Variants in PAX2 observed in about 807,000 individuals in gnomAD.
The protein encoded by PAX2 is paired box 2, also known as paired box protein Pax-2.
Under a neutral mutation model 41.7 loss-of-function variants are expected in PAX2, and 9 were observed. The ratio of observed to expected loss-of-function variants is 0.22; its 90% CI spans 0.13 to 0.38. The LOEUF (loss-of-function observed/expected upper bound fraction) is 0.38, where lower values mean the gene tolerates loss of function less well. PAX2 is among the 10% of genes least tolerant of loss of function. The pLI, the probability that PAX2 is intolerant of heterozygous loss-of-function variation, is 1.00. For synonymous variants in PAX2, 221 were observed against 212.7 expected (o/e 1.04, Z -0.34); for missense variants, 418 against 531.6 (o/e 0.79, Z 2.10).
chr10:100,827,039 AC>A lies in PAX2; in HGVS notation c.1057del (p.Gln353SerfsTer17). On this transcript the variant is annotated frameshift_variant, in exon 9 of 10. Transcript: ENST00000355243. LOFTEE classifies it high-confidence loss of function. The surrounding 1 kb of genome is among the most constrained non-coding windows in gnomAD (Gnocchi z 8.5). Reference sequence around the variant, plus strand: ...GAGTTCTCCGGCAACCCGTACAGCCACCCCCAGTACACGGCCTACAACGAGG... The same window carrying A: ...GAGTTCTCCGGCAACCCGTACAGCCACCCCAGTACACGGCCTACAACGAGG... ...GSEFSGNPYSHPQYTAYNEAW... is the reference protein window; with the variant it reads ...GSEFSGNPYSXPQYTAYNEAW... 1 of 1,613,378 alleles carries A rather than the reference AC, an allele frequency of 6.2e-7. No individual in the cohort carries two copies. Among genetic ancestry groups the A allele is most frequent in the Non-Finnish European group, 8.5e-7 (1 of 1,179,516 alleles).
At chr10:100,803,975 C>A (rs1448508962) in intron 5 of PAX2, among the ~76,000 whole-genome samples, 1 of 152,090 alleles carries the variant, frequency 6.6e-6, no homozygotes, top group Non-Finnish European at 1.5e-5. Flanking sequence ...CATGATTGAT[C>A]AATTGAATTC....
At chr10:100,767,840 G>A (rs1846078448) in intron 3 of PAX2, among the ~76,000 whole-genome samples, 1 of 152,122 alleles carries the variant, frequency 6.6e-6, no homozygotes, top group Non-Finnish European at 1.5e-5. Flanking sequence ...TGGGGAGGGG[G>A]AGGTGGGAAG....
chr10:100,787,524 G>C (rs1846916087), intron 5 of PAX2, among the ~76,000 whole-genome samples: 1 of 152,168 alleles, frequency 6.6e-6, no homozygotes, highest in South Asian at 2.1e-4. Context: ...GCAGCTCTTG[G>C]CAAGGTGAAA....
rs893370744 is a variant in PAX2 at position 100,809,140 on chromosome 10, C to T, written c.823C>T (p.Pro275Ser). 2.5e-6 allele frequency: 4 copies of T among 1,612,354 alleles called. No individual in the cohort carries two copies. Among genetic ancestry groups the T allele is most frequent in the Non-Finnish European group, 3.4e-6 (4 of 1,178,428 alleles). The change falls in exon 7 of 10, where the codon CCT (proline) becomes TCT (serine). Residue 275 changes from proline (P) to serine (S), a missense_variant. Around this residue, in one of 2 missense-constraint regions of PAX2, gnomAD observed 310 missense variants for 325.2 expected, o/e 0.95. Transcript: ENST00000355243. ...GNEYSLPALT[P>S]GLDEVKSSLS... ...CGAGTACTCCCTCCCAGCCCTGACC[C>T]CTGGGCTTGATGAAGTCAAGTCGAG...
intron 3 of PAX2, among the ~76,000 whole-genome samples, chr10:100,758,697 C>T (rs960721023): frequency 2.6e-5 from 4 of 152,168 alleles, no homozygotes; most frequent in East Asian, 1.9e-4. Flanking sequence ...GCAGGAAGAC[C>T]GGATTTTAAA....
At chr10:100,823,702 G>A (rs1441939603) in intron 7 of PAX2, among the ~76,000 whole-genome samples, 4 of 152,102 alleles carry the variant, frequency 2.6e-5, no homozygotes, top group African/African-American at 7.2e-5. Flanking sequence ...TGGCAGAGGG[G>A]AGAAAGCAAA....
At chr10:100,784,251 A>G (rs1370791787) in intron 5 of PAX2, among the ~76,000 whole-genome samples, 2 of 152,262 alleles carry the variant, frequency 1.3e-5, no homozygotes, top group African/African-American at 4.8e-5. Context: ...GGCCAGTCAC[A>G]GAAGGCAGCC....
At position 100,828,668 on chromosome 10, in the gene PAX2, C is replaced by G. The variant is rs1043512712; in HGVS notation, c.*1049C>G. 2.1e-5 allele frequency: 5 copies of G among 233,430 alleles called. No individual in the cohort carries two copies. The South Asian group carries it at 9.0e-4, about 42-fold the overall frequency. The allele number at this position is 233,430 out of a possible 1,614,324, so 14.5% of individuals were successfully genotyped here. ...ACTCTCAATCTGCCGGTGGTAAGAA[C>G]CGGTTCTGAGCTGGCGTCTGAGCTG... On this transcript the variant is annotated 3_prime_UTR_variant, in exon 10 of 10. Transcript: ENST00000355243. This position sits in a 1 kb window ranked among gnomAD's most constrained non-coding sequence, Gnocchi z 6.5.
intron 1 of PAX2, among the ~76,000 whole-genome samples, chr10:100,738,537 G>A (rs1247097715): frequency 2.0e-5 from 3 of 152,130 alleles, no homozygotes; most frequent in Non-Finnish European, 2.9e-5. Context: ...CCCTCATCCA[G>A]ACGCTCAGCC....
At chr10:100,787,074 G>A in intron 5 of PAX2, 13 of 974,016 alleles carry the variant, frequency 1.3e-5, no homozygotes, top group Non-Finnish European at 2.0e-5. Flanking sequence ...GTGGCGGTTA[G>A]AGAACATTCA....
intron 7 of PAX2, among the ~76,000 whole-genome samples, chr10:100,812,199 G>A (rs1848012464): frequency 6.6e-6 from 1 of 152,176 alleles, no homozygotes; most frequent in African/African-American, 2.4e-5. Context: ...ATTTTGCTGG[G>A]TAGTGTTTGC....
chr10:100,750,658 C>T lies in PAX2; in HGVS notation c.213-36C>T, dbSNP rs111742667. 763 of 1,596,600 alleles carry T rather than the reference C, an allele frequency of 4.8e-4. 5 individuals carry two copies. The African/African-American group carries it at 8.1e-3, about 17-fold the overall frequency. ...GCAGCCCCCCTGCCCCGCCACAGTC[C>T]GCTTCTGGCTGACCCCGCCGGCTTT... On this transcript the variant is annotated intron_variant, in intron 2 of 9. Coordinates refer to ENST00000355243, the MANE Select transcript of PAX2 (RefSeq NM_000278.5). The surrounding 1 kb of genome is among the most constrained non-coding windows in gnomAD (Gnocchi z 4.1).
intron 1 of PAX2, among the ~76,000 whole-genome samples, chr10:100,737,115 A>T (rs1844798958): frequency 6.6e-6 from 1 of 152,056 alleles, no homozygotes; most frequent in Non-Finnish European, 1.5e-5. Context: ...CCATTTGCTC[A>T]AGCTCCTGAG....
chr10:100,755,167 T>A (rs1845584549), intron 3 of PAX2, among the ~76,000 whole-genome samples: 1 of 152,248 alleles, frequency 6.6e-6, no homozygotes, highest in Admixed American at 6.5e-5. Context: ...TTCCTTAAAA[T>A]GAGCTGGAGT....
chr10:100,766,743 T>TA (rs934854300), intron 3 of PAX2, among the ~76,000 whole-genome samples: 4 of 152,052 alleles, frequency 2.6e-5, no homozygotes, highest in African/African-American at 4.8e-5. Flanking sequence ...CAGAGTAAGC[T>TA]AAAAAAGCTA....
chr10:100,777,841 C>T (rs892772868), intron 3 of PAX2, among the ~76,000 whole-genome samples: 1 of 152,216 alleles, frequency 6.6e-6, no homozygotes, highest in Non-Finnish European at 1.5e-5. Flanking sequence ...AATATTGGCA[C>T]ATAGTAGATG....
chr10:100,806,670 C>T, intron 6 of PAX2, 65 bp downstream of exon 6: 1 of 1,419,660 alleles, frequency 7.0e-7, no homozygotes, highest in Non-Finnish European at 9.9e-7. Flanking sequence ...CTCTCAAAAA[C>T]TTGTTCACTA....
At chr10:100,784,877 C>T (rs190725243) in intron 5 of PAX2, among the ~76,000 whole-genome samples, 1 of 152,166 alleles carries the variant, frequency 6.6e-6, no homozygotes, top group South Asian at 2.1e-4. Flanking sequence ...ATGGAAAACA[C>T]CCCCTGACTT....
At chr10:100,805,026 A>T (rs1168944743) in intron 5 of PAX2, among the ~76,000 whole-genome samples, 238 of 3,124 alleles carry the variant, frequency 0.076, 2 homozygotes, top group African/African-American at 0.18. Flanking sequence ...TCTCACATAC[A>T]CACACACACA....
Sources: allele counts gnomAD v4.1 joint callset (sites outside exome capture counted in the v4.1 genomes callset), GRCh38; gene constraint gnomAD v4.1.1; regional missense constraint gnomAD v4.1.1; non-coding constraint Gnocchi (gnomAD v3.1); transcripts MANE v1.5; gene names NCBI Gene and HGNC (gene_info 2026-07-23, HGNC 2026-07-21).